Variants in DPP10 observed in about 807,000 individuals in gnomAD.
DPP10 encodes inactive dipeptidyl peptidase 10.
A neutral mutation model predicts 120.9 loss-of-function variants in DPP10; 33 were observed. That is an observed-to-expected ratio of 0.27 (90% CI 0.21 to 0.37). DPP10 has a LOEUF of 0.37. Ranked by LOEUF, DPP10 falls within the 10% of genes least tolerant of loss-of-function variation. The probability of loss-of-function intolerance (pLI) is 1.00; values close to 1 mark genes in which losing one functional copy is unlikely to be tolerated. For missense variants in DPP10, 816 were observed against 942.8 expected (o/e 0.87, Z 1.76); for synonymous variants, 337 against 326.1 (o/e 1.03, Z -0.36).
chr2:115,242,494 A>G (rs1030312760), intron 1 of DPP10, among the ~76,000 whole-genome samples: 1 of 152,132 alleles, frequency 6.6e-6, no homozygotes, highest in Non-Finnish European at 1.5e-5. Context: ...TCTTTTTTGT[A>G]TAATGGCTTC....
At chr2:115,429,326 G>A (rs1489364823) in intron 3 of DPP10, among the ~76,000 whole-genome samples, 1 of 151,996 alleles carries the variant, frequency 6.6e-6, no homozygotes, top group Admixed American at 6.6e-5. Flanking sequence ...TATACTCCTT[G>A]TGTGAGAAAG....
intron 7 of DPP10, among the ~76,000 whole-genome samples, chr2:115,714,904 C>A (rs1286053217): frequency 6.6e-6 from 1 of 151,942 alleles, no homozygotes; most frequent in East Asian, 1.9e-4. Flanking sequence ...GCGACAGGCG[C>A]CCGTAGTCCC....
intron 5 of DPP10, among the ~76,000 whole-genome samples, chr2:115,612,620 C>A (rs1374783783): frequency 1.3e-5 from 2 of 152,106 alleles, no homozygotes; most frequent in Non-Finnish European, 2.9e-5. Context: ...GCTTTGCAGG[C>A]AGACATACTG....
At chr2:115,290,419 G>A (rs2060605892) in intron 1 of DPP10, among the ~76,000 whole-genome samples, 2 of 152,070 alleles carry the variant, frequency 1.3e-5, no homozygotes, top group Admixed American at 1.3e-4. Flanking sequence ...TAGGCAGGTG[G>A]ATATGTGATT....
intron 2 of DPP10, among the ~76,000 whole-genome samples, chr2:115,314,605 C>A (rs972848810): frequency 6.6e-6 from 1 of 151,990 alleles, no homozygotes; most frequent in Non-Finnish European, 1.5e-5. Flanking sequence ...TTTTCAGTTC[C>A]GCAATAGAGA....
chr2:114,561,392 A>G (rs1028605327), intron 1 of DPP10, among the ~76,000 whole-genome samples: 1 of 152,128 alleles, frequency 6.6e-6, no homozygotes. Context: ...CACACACCAC[A>G]TACACATACC....
At chr2:115,566,955 C>T (rs2081043283) in intron 5 of DPP10, among the ~76,000 whole-genome samples, 1 of 151,962 alleles carries the variant, frequency 6.6e-6, no homozygotes, top group Admixed American at 6.6e-5. Context: ...ATTCCATTAC[C>T]CATAATGTAT....
At chr2:115,288,602 A>G (rs946597234) in intron 1 of DPP10, among the ~76,000 whole-genome samples, 2 of 151,976 alleles carry the variant, frequency 1.3e-5, no homozygotes, top group East Asian at 1.9e-4. Context: ...GGGAGCCTGT[A>G]ATCCCAGCTA....
At chr2:115,597,775 A>T (rs1171257017) in intron 5 of DPP10, among the ~76,000 whole-genome samples, 1 of 151,998 alleles carries the variant, frequency 6.6e-6, no homozygotes, top group South Asian at 2.1e-4. Flanking sequence ...CCAAAGGTCT[A>T]AAGCAGTCCT....
intron 1 of DPP10, among the ~76,000 whole-genome samples, chr2:115,095,585 G>T (rs7575700): frequency 0.062 from 5,292 of 85,850 alleles, 174 homozygotes; most frequent in Middle Eastern, 0.086. Flanking sequence ...TTTTTTTTTT[G>T]TTTTTTTTTT....
intron 1 of DPP10, among the ~76,000 whole-genome samples, chr2:115,120,158 G>A (rs2049747832): frequency 6.6e-6 from 1 of 152,234 alleles, no homozygotes; most frequent in Admixed American, 6.5e-5. Flanking sequence ...TGTCATCAGT[G>A]TTGCTGGGTA....
intron 1 of DPP10, among the ~76,000 whole-genome samples, chr2:114,986,922 C>A (rs1574638228): frequency 6.6e-6 from 1 of 152,106 alleles, no homozygotes; most frequent in Admixed American, 6.5e-5. Flanking sequence ...CAGGCACACA[C>A]CACCATGACT....
chr2:114,782,839 G>A (rs1361068347), intron 1 of DPP10, among the ~76,000 whole-genome samples: 2 of 152,012 alleles, frequency 1.3e-5, no homozygotes, highest in African/African-American at 4.8e-5. Flanking sequence ...AACCCACAGA[G>A]TGCAGTGAAA....
At chr2:114,548,288 G>A (rs948202887) in intron 1 of DPP10, among the ~76,000 whole-genome samples, 5 of 152,108 alleles carry the variant, frequency 3.3e-5, no homozygotes, top group African/African-American at 4.8e-5. Flanking sequence ...TCCTGATTCC[G>A]TCATAGCACC....
At chr2:115,534,546 T>G (rs1355937790) in intron 5 of DPP10, among the ~76,000 whole-genome samples, 11 of 152,232 alleles carry the variant, frequency 7.2e-5, no homozygotes, top group Non-Finnish European at 1.6e-4. Context: ...GTCTTTGCTA[T>G]TTTGAATAAT....
At chr2:114,714,463 G>T (rs1701229225) in intron 1 of DPP10, among the ~76,000 whole-genome samples, 1 of 152,114 alleles carries the variant, frequency 6.6e-6, no homozygotes, top group Non-Finnish European at 1.5e-5. Context: ...GACAACAAAA[G>T]CAGGAACAAA....
chr2:115,314,605 C>T (rs972848810), intron 2 of DPP10, among the ~76,000 whole-genome samples: 3 of 151,990 alleles, frequency 2.0e-5, no homozygotes, highest in Non-Finnish European at 4.4e-5. Context: ...TTTTCAGTTC[C>T]GCAATAGAGA....
chr2:114,532,278 TATATATATATATATATATAC>T (rs1207005362), intron 1 of DPP10, among the ~76,000 whole-genome samples: 15 of 48,062 alleles, frequency 3.1e-4, no homozygotes, highest in African/African-American at 8.0e-4. Context: ...TATATATATA[TATATATATATATATATATAC>T]ACACACACAC....
At chr2:115,489,313 A>G (rs2075964760) in intron 3 of DPP10, among the ~76,000 whole-genome samples, 1 of 151,724 alleles carries the variant, frequency 6.6e-6, no homozygotes, top group South Asian at 2.1e-4. Context: ...AGTATACTGT[A>G]AACCAAAAAT....
Sources: gnomAD v4.1 joint callset for allele counts (sites outside exome capture counted in the v4.1 genomes callset) on GRCh38, gnomAD v4.1.1 for gene constraint, MANE v1.5 for transcripts, NCBI Gene and HGNC (gene_info 2026-07-23, HGNC 2026-07-21) for gene names.